PDGFD: variants seen among roughly 807,000 people sequenced by gnomAD.
PDGFD encodes platelet derived growth factor D, also known as platelet-derived growth factor D.
In PDGFD, 30 loss-of-function variants were observed where a neutral mutation model predicts 44.7. The ratio of observed to expected loss-of-function variants is 0.67; its 90% CI spans 0.50 to 0.91. PDGFD has a LOEUF of 0.91. Among genes scored for constraint, PDGFD ranks in the 40% least tolerant of loss-of-function variants. The pLI is 0.00. For missense variants in PDGFD, 445 were observed against 457.8 expected, an observed-to-expected ratio of 0.97 and a Z score of 0.25; for synonymous variants, 173 against 168.4, an observed-to-expected ratio of 1.03 and a Z score of -0.21.
intron 6 of PDGFD, among the ~76,000 whole-genome samples, chr11:103,914,577 A>C (rs968360232): frequency 6.7e-6 from 1 of 149,628 alleles, no homozygotes; most frequent in Non-Finnish European, 1.5e-5. Flanking sequence ...GAAAATGGGA[A>C]TCCTCCCTAA....
chr11:104,050,855 T>C (rs1196546526), intron 1 of PDGFD, among the ~76,000 whole-genome samples: 1 of 152,160 alleles, frequency 6.6e-6, no homozygotes, highest in Non-Finnish European at 1.5e-5. Flanking sequence ...CTGATTGTAA[T>C]CTTAATTGTC....
At chr11:103,964,142 G>A (rs370326592) in intron 3 of PDGFD, among the ~76,000 whole-genome samples, 3 of 152,180 alleles carry the variant, frequency 2.0e-5, no homozygotes, top group East Asian at 3.9e-4. Flanking sequence ...AAGTAGAAGT[G>A]ATCAATGTCA....
intron 1 of PDGFD, among the ~76,000 whole-genome samples, chr11:104,161,018 T>A (rs1192024159): frequency 6.6e-6 from 1 of 152,198 alleles, no homozygotes. Context: ...CCTCATGCCC[T>A]GAACAGGACA....
chr11:103,928,157 C>A (rs1284198943), intron 5 of PDGFD, among the ~76,000 whole-genome samples: 1 of 152,258 alleles, frequency 6.6e-6, no homozygotes, highest in East Asian at 1.9e-4. Context: ...TATTGTGTTA[C>A]ATAAATTAGA....
chr11:104,054,855 C>G (rs546984269), intron 1 of PDGFD, among the ~76,000 whole-genome samples: 1 of 152,082 alleles, frequency 6.6e-6, no homozygotes, highest in Non-Finnish European at 1.5e-5. Context: ...TAATCAGCCT[C>G]GGAGAGGAGG....
chr11:104,010,466 A>G (rs1859766800), intron 1 of PDGFD, among the ~76,000 whole-genome samples: 1 of 152,144 alleles, frequency 6.6e-6, no homozygotes, highest in Non-Finnish European at 1.5e-5. Flanking sequence ...TCACCTCACT[A>G]GAACTTTTAA....
At chr11:103,981,893 T>C (rs1350877125) in intron 3 of PDGFD, among the ~76,000 whole-genome samples, 1 of 151,830 alleles carries the variant, frequency 6.6e-6, no homozygotes, top group Non-Finnish European at 1.5e-5. Flanking sequence ...AAATCTTGCC[T>C]GCTATGGTGT....
intron 1 of PDGFD, among the ~76,000 whole-genome samples, chr11:104,061,051 G>A (rs1203482896): frequency 8.6e-5 from 13 of 152,034 alleles, no homozygotes; most frequent in Non-Finnish European, 8.8e-5. Context: ...TACTTTCTCC[G>A]TCTATGAATT....
rs55959221 is a variant in PDGFD at position 104,131,801 on chromosome 11, T to TAA, written c.124+32001_124+32002dup. Among the ~76,000 whole-genome samples the TAA allele has an allele frequency of 5.6e-3, 394 of 70,896 alleles. 10 individuals carry two copies. Among genetic ancestry groups the TAA allele is most frequent in the Middle Eastern group, 0.012 (1 of 82 alleles). The allele number at this position is 70,896 out of a possible 152,430, so 46.5% of individuals were successfully genotyped here. A position where few individuals can be genotyped will look rare whatever the true frequency, so the allele number is the denominator to read the frequency against. On this transcript the variant is annotated intron_variant, in intron 1 of 6. Transcript: ENST00000393158. Reference sequence around the variant, plus strand: ...AAGTATCCTAAATGGCAATGAACTGTAAAAAAAAAAAAAAAAAAAAAAAAA... The same window carrying TAA: ...AAGTATCCTAAATGGCAATGAACTGTAAAAAAAAAAAAAAAAAAAAAAAAAAA...
intron 3 of PDGFD, among the ~76,000 whole-genome samples, chr11:103,985,139 T>TATAATATATATTAATAC (rs1265880996): frequency 7.1e-6 from 1 of 141,390 alleles, no homozygotes; most frequent in East Asian, 2.0e-4. Flanking sequence ...TTATTTAATA[T>TATAATATATATTAATAC]ATAATATATT....
At chr11:104,082,951 T>C (rs1050569053) in intron 1 of PDGFD, among the ~76,000 whole-genome samples, 2 of 152,140 alleles carry the variant, frequency 1.3e-5, no homozygotes, top group African/African-American at 4.8e-5. Context: ...CTATCCTGTC[T>C]CTTACCACCA....
intron 1 of PDGFD, among the ~76,000 whole-genome samples, chr11:104,000,630 T>G (rs1472655143): frequency 6.6e-6 from 1 of 152,194 alleles, no homozygotes. Context: ...CTCCCTAAAT[T>G]CTTCACAAAT....
At position 103,926,997 on chromosome 11, in the gene PDGFD, C is replaced by T. The variant is rs771113435; in HGVS notation, c.902G>A (p.Arg301His). 32 of 1,614,028 alleles carry T rather than the reference C, an allele frequency of 2.0e-5. No individual in the cohort carries two copies. The highest frequency in any genetic ancestry group is 1.6e-4 in the Middle Eastern group (1 of 6,084). ...VFFPRCLLVQ[R>H]CGGNCGCGTV... ...TCCACAGCCACAATTTCCTCCACAG[C>T]GCTGCACGAGGAGGCAACGTGGAAA... is the stretch of plus-strand genomic sequence containing the variant. Residue 301 changes from arginine to histidine, a missense_variant, in exon 6 of 7, where the codon CGC (arginine) becomes CAC (histidine). Arg to His is a conservative substitution (Grantham distance 29). Coordinates refer to ENST00000393158, the MANE Select transcript of PDGFD (RefSeq NM_025208.5).
intron 1 of PDGFD, among the ~76,000 whole-genome samples, chr11:104,099,402 G>C (rs1861335474): frequency 1.3e-5 from 2 of 152,070 alleles, no homozygotes; most frequent in African/African-American, 4.8e-5. Context: ...CATTTTGGGA[G>C]GACAAGGCAG....
chr11:104,100,558 C>T (rs1861361965), intron 1 of PDGFD, among the ~76,000 whole-genome samples: 1 of 152,008 alleles, frequency 6.6e-6, no homozygotes, highest in Admixed American at 6.6e-5. Flanking sequence ...GGTACCATTC[C>T]AATCAAAAGA....
At chr11:103,909,893 C>A in intron 6 of PDGFD, 74 bp from the exon 7 acceptor site, 1 of 1,574,190 alleles carries the variant, frequency 6.4e-7, no homozygotes, top group Non-Finnish European at 8.7e-7. Flanking sequence ...TACTTATTAC[C>A]TTTTTGACAA....
intron 6 of PDGFD, 134 bp downstream of exon 6, chr11:103,926,778 G>T: frequency 1.1e-6 from 1 of 910,162 alleles, no homozygotes; most frequent in Non-Finnish European, 1.7e-6. Flanking sequence ...AGTGTGGGTA[G>T]AATTTCTGCT....
intron 3 of PDGFD, among the ~76,000 whole-genome samples, chr11:103,981,353 A>G (rs1716240240): frequency 6.6e-6 from 1 of 151,638 alleles, no homozygotes; most frequent in Non-Finnish European, 1.5e-5. Flanking sequence ...CCAAAACTGT[A>G]AGAAATAAAT....
At chr11:103,987,014 C>T (rs1346640943) in intron 3 of PDGFD, among the ~76,000 whole-genome samples, 2 of 152,094 alleles carry the variant, frequency 1.3e-5, no homozygotes, top group African/African-American at 2.4e-5. Flanking sequence ...AGAGCTTCAA[C>T]TCCCTATAAT....
Sources: gnomAD v4.1 joint callset for allele counts (sites outside exome capture counted in the v4.1 genomes callset) on GRCh38, gnomAD v4.1.1 for gene constraint, MANE v1.5 for transcripts, NCBI Gene and HGNC (gene_info 2026-07-23, HGNC 2026-07-21) for gene names.